RTP2: variants seen among roughly 807,000 people sequenced by gnomAD.
RTP2 encodes receptor-transporting protein 2.
In RTP2, 12 loss-of-function variants were observed where a neutral mutation model predicts 17.9. The ratio of observed to expected loss-of-function variants is 0.67; its 90% CI spans 0.43 to 1.09. The LOEUF is 1.09. Ranked by LOEUF, RTP2 falls within the 50% of genes least tolerant of loss-of-function variation. The pLI, the probability that RTP2 is intolerant of heterozygous loss-of-function variation, is 0.00. For synonymous variants in RTP2, 126 were observed against 117.7 expected (o/e 1.07, Z -0.46); for missense variants, 327 against 295.7 (o/e 1.11, Z -0.78).
exon 2 of RTP2, chr3:187,698,981 C>G: frequency 6.3e-7 from 1 of 1,592,320 alleles, no homozygotes; most frequent in Middle Eastern, 1.7e-4. Flanking sequence ...GGGCAGACTG[C>G]CAGGTGTGCC....
upstream of RTP2, chr3:187,702,625 T>A (rs1286391584): frequency 1.1e-5 from 5 of 455,878 alleles, no homozygotes; most frequent in Non-Finnish European, 2.2e-5. Flanking sequence ...TGATATGCTG[T>A]GACCATCACT....
rs145364927 is a variant in RTP2 at position 187,702,102 on chromosome 3, C to G, written c.27G>C (p.Glu9Asp). 36 of 1,612,274 alleles carry G rather than the reference C, an allele frequency of 2.2e-5. No homozygotes were observed. In the African/African-American group the frequency reaches 2.7e-4, roughly 12 times the overall value. ...TCTTCTCATAGAAGACTTTCTTCCA[C>G]TCACAAGTGGTCAAGCTGGTACACA... The change falls in exon 1 of 2, where the codon GAG becomes GAC. Residue 9 changes from glutamate to aspartate, a missense_variant. Transcript: ENST00000358241.
the RTP2 span, among the ~76,000 whole-genome samples, chr3:187,710,006 G>T: frequency 2.0e-5 from 3 of 152,154 alleles, no homozygotes; most frequent in Non-Finnish European, 4.4e-5. Flanking sequence ...TGTCTGTGAG[G>T]GTGTTTTTGG....
At chr3:187,698,931 T>C (rs11707167) in exon 2 of RTP2, 970,935 of 1,608,290 alleles carry the variant, frequency 0.6, 303,548 homozygotes, top group East Asian at 0.77. Flanking sequence ...GCCCGCCCGC[T>C]GGGCGCGGTC....
At chr3:187,714,654 C>T in the RTP2 span, among the ~76,000 whole-genome samples, 56 of 152,284 alleles carry the variant, frequency 3.7e-4, no homozygotes, top group African/African-American at 1.3e-3. Flanking sequence ...CAGTAGGAAC[C>T]CTTAATCATG....
chr3:187,703,415 A>T (rs1243865032), upstream of RTP2, among the ~76,000 whole-genome samples: 3 of 152,136 alleles, frequency 2.0e-5, no homozygotes, highest in Non-Finnish European at 4.4e-5. Context: ...GAAAAGTGTT[A>T]CTCTAGCGGC....
At chr3:187,709,208 A>G in the RTP2 span, among the ~76,000 whole-genome samples, 1 of 152,116 alleles carries the variant, frequency 6.6e-6, no homozygotes, top group Non-Finnish European at 1.5e-5. Context: ...GTTTTATAGT[A>G]TCTCTAATGT....
exon 2 of RTP2, chr3:187,698,878 C>A (rs11927120): frequency 1.2e-6 from 2 of 1,612,604 alleles, no homozygotes; most frequent in South Asian, 1.1e-5. Context: ...CGCGCCGTGC[C>A]GCACTCATAG....
At chr3:187,698,651 C>G (rs776734370) in exon 2 of RTP2, 1 of 1,614,216 alleles carries the variant, frequency 6.2e-7, no homozygotes, top group Non-Finnish European at 8.5e-7. Context: ...AGGTGGTCAC[C>G]TCCTCCTCCA....
At chr3:187,698,847 A>G (rs1219295442) in exon 2 of RTP2, 6 of 1,612,944 alleles carry the variant, frequency 3.7e-6, no homozygotes, top group Non-Finnish European at 5.1e-6. Flanking sequence ...GTTCTCCTCC[A>G]GCATGCTGGA....
At chr3:187,705,602 A>C (rs898552743), upstream of RTP2, among the ~76,000 whole-genome samples, 1 of 152,228 alleles carries the variant, frequency 6.6e-6, no homozygotes, top group Admixed American at 6.5e-5. Flanking sequence ...AGCTGAGTCC[A>C]TTCCTGAGGC....
At chr3:187,707,455 A>G (rs950765831), upstream of RTP2, among the ~76,000 whole-genome samples, 15 of 152,156 alleles carry the variant, frequency 9.9e-5, no homozygotes, top group Non-Finnish European at 1.9e-4. Flanking sequence ...AGGATGACCA[A>G]TTGGCAGTTA....
chr3:187,698,690 G>A, exon 2 of RTP2: 1 of 1,614,080 alleles, frequency 6.2e-7, no homozygotes, highest in South Asian at 1.1e-5. Flanking sequence ...TCCAGTGAAC[G>A]ATGCCCTCCT....
chr3:187,699,857 A>G (rs1717802137), intron 1 of RTP2, among the ~76,000 whole-genome samples: 1 of 151,754 alleles, frequency 6.6e-6, no homozygotes, highest in African/African-American at 2.4e-5. Flanking sequence ...TCCCAGTCTC[A>G]GGAAGTGTTG....
At chr3:187,713,636 G>A in the RTP2 span, among the ~76,000 whole-genome samples, 1 of 152,140 alleles carries the variant, frequency 6.6e-6, no homozygotes, top group East Asian at 1.9e-4. Context: ...GGACATGGAA[G>A]GTGACCAATC....
At chr3:187,703,523 T>G (rs1717910258), upstream of RTP2, among the ~76,000 whole-genome samples, 3 of 152,228 alleles carry the variant, frequency 2.0e-5, no homozygotes, top group South Asian at 6.2e-4. Context: ...GGTTTATTTC[T>G]TGAACTCTTC....
rs1425977463 is a variant in RTP2, at chr3:187,699,037, A to C, written c.165-26T>G. 3 of 1,555,170 alleles carry C rather than the reference A, an allele frequency of 1.9e-6. No homozygotes were observed. The East Asian group carries it at 6.8e-5, about 35-fold the overall frequency. On this transcript the variant is annotated intron_variant, in intron 1 of 1. Transcript: ENST00000358241. ...CTGCCGGGAGGAGAAGGAGGGGTGGAGAAGGTGGGCATCCCAGAGAAGCCT... is the reference window on the plus strand; with the variant it reads ...CTGCCGGGAGGAGAAGGAGGGGTGGCGAAGGTGGGCATCCCAGAGAAGCCT...
the RTP2 span, among the ~76,000 whole-genome samples, chr3:187,709,601 T>C: frequency 6.6e-6 from 1 of 152,070 alleles, no homozygotes; most frequent in Non-Finnish European, 1.5e-5. Flanking sequence ...AGGAGAATCG[T>C]GTGAACCCAG....
chr3:187,702,141 A>C, exon 1 of RTP2: 2 of 1,589,146 alleles, frequency 1.3e-6, no homozygotes, highest in Non-Finnish European at 1.7e-6. Context: ...TCCTGCTGGC[A>C]GAGGTGGCAG....
Sources: allele counts gnomAD v4.1 joint callset (sites outside exome capture counted in the v4.1 genomes callset), GRCh38; gene constraint gnomAD v4.1.1; transcripts MANE v1.5; gene names NCBI Gene and HGNC (gene_info 2026-07-23, HGNC 2026-07-21).